RHCE: variants seen among roughly 807,000 people sequenced by gnomAD.
The protein encoded by RHCE is blood group Rh(CE) polypeptide.
In RHCE, 22 loss-of-function variants were observed where a neutral mutation model predicts 43.8. That is an observed-to-expected ratio of 0.50 (90% CI 0.36 to 0.72). The LOEUF is 0.72. RHCE is among the 30% of genes least tolerant of loss of function. RHCE has a pLI of 0.00. For missense variants in RHCE, 385 were observed against 525.4 expected (o/e 0.73, Z 2.61); for synonymous variants, 156 against 210.7 (o/e 0.74, Z 2.25).
At chr1:25,391,500 T>A (rs1262238467) in intron 4 of RHCE, among the ~76,000 whole-genome samples, 1 of 136,398 alleles carries the variant, frequency 7.3e-6, no homozygotes, top group African/African-American at 3.7e-5. Flanking sequence ...ACGCTTATTT[T>A]TTTTTTTTTA....
At chr1:25,370,151 C>T (rs1359577284) in intron 9 of RHCE, among the ~76,000 whole-genome samples, 2 of 151,638 alleles carry the variant, frequency 1.3e-5, no homozygotes, top group African/African-American at 2.4e-5. Context: ...TTCTGTCACC[C>T]GCATGTCAAA....
chr1:25,419,662 ATCTG>A (rs1464740113), intron 1 of RHCE: 3 of 150,436 alleles, frequency 2.0e-5, no homozygotes, highest in Non-Finnish European at 3.0e-5. Context: ...CATTGTGGAC[ATCTG>A]TCTTATTTAC....
chr1:25,403,344 T>C (rs1358257064), intron 2 of RHCE, among the ~76,000 whole-genome samples: 1 of 151,854 alleles, frequency 6.6e-6, no homozygotes, highest in East Asian at 1.9e-4. Context: ...TGATCAAACG[T>C]ATCCCATGTT....
At chr1:25,404,783 T>C (rs1399951651) in intron 2 of RHCE, among the ~76,000 whole-genome samples, 12 of 151,896 alleles carry the variant, frequency 7.9e-5, no homozygotes, top group African/African-American at 2.9e-4. Flanking sequence ...CCAATGCCTC[T>C]GGAGCCACGG....
At chr1:25,410,839 A>G (rs867995413) in intron 1 of RHCE, among the ~76,000 whole-genome samples, 11 of 152,184 alleles carry the variant, frequency 7.2e-5, no homozygotes, top group Middle Eastern at 3.4e-3. Flanking sequence ...GACATATAAA[A>G]ATACCAATTT....
rs567185911 is a variant in RHCE at position 25,373,828 on chromosome 1, TTTTC to T, written c.1153+1517_1153+1520del. On this transcript the variant is annotated intron_variant, in intron 8 of 9. Coordinates refer to ENST00000294413, the MANE Select transcript of RHCE (RefSeq NM_020485.8). Reference sequence around the variant, plus strand: ...TAACAAGTTCTGGATGGAATGTATATTTTCTTTCTTTTTTTTTTTTTTGAGACAG... The same window carrying T: ...TAACAAGTTCTGGATGGAATGTATATTTTCTTTTTTTTTTTTTTGAGACAG... 1.2e-3 allele frequency among the ~76,000 whole-genome samples: 176 copies of T among 148,916 alleles called. 5 individuals are homozygous for T. The highest frequency in any genetic ancestry group is 3.9e-3 in the African/African-American group (159 of 40,452).
intron 3 of RHCE, among the ~76,000 whole-genome samples, chr1:25,393,680 AG>A (rs1340934959): frequency 2.0e-5 from 3 of 151,926 alleles, no homozygotes; most frequent in African/African-American, 7.3e-5. Flanking sequence ...AGAAGCCTCC[AG>A]CGGCTCCCAT....
chr1:25,408,969 T>C, intron 1 of RHCE, 100 bp from the exon 2 acceptor site: 3 of 746,702 alleles, frequency 4.0e-6, no homozygotes, highest in Non-Finnish European at 6.1e-6. Context: ...GGAAGGGGCA[T>C]GCAAGATCGT....
intron 5 of RHCE, 53 bp downstream of exon 5, chr1:25,390,696 G>A: frequency 1.2e-6 from 2 of 1,607,028 alleles, no homozygotes; most frequent in Non-Finnish European, 8.5e-7. Flanking sequence ...GCATAAATAT[G>A]TGTGCTAGTC....
chr1:25,412,156 C>T (rs1193325344), intron 1 of RHCE, among the ~76,000 whole-genome samples: 3 of 152,206 alleles, frequency 2.0e-5, no homozygotes, highest in South Asian at 2.1e-4. Flanking sequence ...CCAAACATGC[C>T]GGCAGCAGAG....
At position 25,388,736 on chromosome 1, in the gene RHCE, C is replaced by G. The variant is rs1419455280; in HGVS notation, c.939+240G>C. Among the ~76,000 whole-genome samples, 5 of 152,200 alleles carry G rather than the reference C, an allele frequency of 3.3e-5. No homozygotes were observed. In the South Asian group the frequency reaches 8.3e-4, roughly 25 times the overall value. On this transcript the variant is annotated intron_variant, in intron 6 of 9. Transcript: ENST00000294413. ...CTTGAGTTCTGTGACACCCCTGTAGCCTGGTAACAAATTCTCCCCAGTGCC... is the reference window on the plus strand; with the variant it reads ...CTTGAGTTCTGTGACACCCCTGTAGGCTGGTAACAAATTCTCCCCAGTGCC...
At chr1:25,411,384 C>G (rs1571912119) in intron 1 of RHCE, 4 of 1,550,406 alleles carry the variant, frequency 2.6e-6, no homozygotes, top group Non-Finnish European at 2.6e-6. Context: ...ATGAGAAGCT[C>G]TCATTACTGG....
intron 3 of RHCE, among the ~76,000 whole-genome samples, chr1:25,401,068 A>C (rs1250253777): frequency 6.6e-6 from 1 of 152,106 alleles, no homozygotes; most frequent in African/African-American, 2.4e-5. Context: ...GTATCTTAAA[A>C]CATAAGTCAG....
rs1004570437 is a variant in RHCE, at chr1:25,391,997, G to T, written c.631C>A (p.Leu211Met). Residue 211 changes from leucine to methionine, a missense_variant, in exon 4 of 10, where the codon CTG becomes ATG. Coordinates refer to ENST00000294413, the MANE Select transcript of RHCE (RefSeq NM_020485.8). ...RATIPSLSAM[L>M]GALFLWMFWP... is the part of the protein sequence containing the mutation. The stretch of plus-strand genomic sequence containing the variant: ...ACTCACCCCACCTTGTCCTTACCCA[G>T]CATGGCAGACAAACTGGGTATCGTT... 4 of 1,613,842 alleles carry T rather than the reference G, an allele frequency of 2.5e-6. No individual in the cohort carries two copies. The highest frequency in any genetic ancestry group is 1.3e-5 in the African/African-American group (1 of 74,908).
chr1:25,385,232 G>A (rs913781000), intron 7 of RHCE, among the ~76,000 whole-genome samples: 2 of 152,206 alleles, frequency 1.3e-5, no homozygotes, highest in African/African-American at 4.8e-5. Context: ...TGCTTAGCAT[G>A]TCCCTGCATT....
Position 25,389,098 on chromosome 1 carries a change from C to A in RHCE, c.817G>T (p.Ala273Ser), listed in dbSNP as rs1160851455. Residue 273 changes from alanine (A) to serine (S), a missense_variant, in exon 6 of 10, where the codon GCG becomes TCG. Physicochemically the swap from Ala to Ser is moderately conservative, Grantham distance 99. Around this residue, in one of 6 missense-constraint regions of RHCE, gnomAD observed 56 missense variants for 90.0 expected, o/e 0.62. Transcript: ENST00000294413. ...RKISMTYVHS[A>S]VLAGGVAVGT... Reference sequence around the variant, plus strand: ...ACAGCCACGCCTCCTGCCAACACCGCACTGTGCACATAAGTCTGCAAAGAA... The same window carrying A: ...ACAGCCACGCCTCCTGCCAACACCGAACTGTGCACATAAGTCTGCAAAGAA... The A allele has an allele frequency of 6.2e-7, 1 of 1,613,984 alleles. No individual in the cohort carries two copies. The highest frequency in any genetic ancestry group is 8.5e-7 in the Non-Finnish European group (1 of 1,179,970).
intron 1 of RHCE, among the ~76,000 whole-genome samples, chr1:25,416,477 A>T (rs1209234019): frequency 6.6e-6 from 1 of 151,992 alleles, no homozygotes; most frequent in African/African-American, 2.4e-5. Context: ...GTTAGCCAGG[A>T]TGGTCTCCAT....
intron 6 of RHCE, among the ~76,000 whole-genome samples, 161 bp from the exon 7 acceptor site, chr1:25,386,005 T>C (rs1234121219): frequency 2.6e-5 from 4 of 152,140 alleles, no homozygotes; most frequent in African/African-American, 7.2e-5. Context: ...CTCACATCAA[T>C]GGGGAGTTTG....
intron 2 of RHCE, among the ~76,000 whole-genome samples, chr1:25,403,342 C>T (rs1452985510): frequency 2.6e-5 from 4 of 151,780 alleles, no homozygotes; most frequent in Admixed American, 1.3e-4. Context: ...GATGATCAAA[C>T]GTATCCCATG....
Sources: allele counts gnomAD v4.1 joint callset (sites outside exome capture counted in the v4.1 genomes callset), GRCh38; gene constraint gnomAD v4.1.1; regional missense constraint gnomAD v4.1.1; transcripts MANE v1.5; gene names NCBI Gene and HGNC (gene_info 2026-07-23, HGNC 2026-07-21).